Variants in CACNA1B observed in about 807,000 individuals in gnomAD.
The protein encoded by CACNA1B is calcium voltage-gated channel subunit alpha1 B.
A neutral mutation model predicts 247.2 loss-of-function variants in CACNA1B; 70 were observed. That is an observed-to-expected ratio of 0.28 (90% CI 0.23 to 0.35). The LOEUF is 0.35. Ranked by LOEUF, CACNA1B falls within the 10% of genes least tolerant of loss-of-function variation. The pLI is 1.00. For missense variants in CACNA1B, 2,367 were observed against 3,197.4 expected (o/e 0.74, Z 6.26); for synonymous variants, 1,231 against 1,294.4 (o/e 0.95, Z 1.05).
At position 138,058,784 on chromosome 9, in the gene CACNA1B, T is replaced by G. The variant is rs2133505499; in HGVS notation, c.4473+51T>G. The stretch of plus-strand genomic sequence containing the variant: ...CAGCTGGCGCTGCTAGGGATTGGGA[T>G]CTAACCCTGAGGCTGAGTGGAGAGT... On this transcript the variant is annotated intron_variant, in intron 29 of 46. Coordinates refer to ENST00000371372, the MANE Select transcript of CACNA1B (RefSeq NM_000718.4). The surrounding 1 kb of genome is among the most constrained non-coding windows in gnomAD (Gnocchi z 4.7). The G allele has an allele frequency of 1.3e-6, 2 of 1,511,736 alleles. No individual in the cohort carries two copies. Among genetic ancestry groups the G allele is most frequent in the East Asian group, 2.4e-5 (1 of 41,626 alleles). The allele number at this position is 1,511,736 out of a possible 1,614,324, so 93.6% of individuals were successfully genotyped here. A position where few individuals can be genotyped will look rare whatever the true frequency, so the allele number is the denominator to read the frequency against.
chr9:137,949,096 GCA>G (rs1957838151), intron 6 of CACNA1B, among the ~76,000 whole-genome samples: 1 of 73,480 alleles, frequency 1.4e-5, no homozygotes. Context: ...TGTGGTGTGT[GCA>G]TGTTTGTGGT....
In CACNA1B at chr9:138,121,633, C is replaced by A. The variant is rs200813633; in HGVS notation, c.6654C>A (p.Thr2218=). ...SSPIHFAGAQ[T]SLPAFSPGRL... is the part of the protein sequence containing the mutation. ...CCATCCACTTCGCCGGGGCTCAGAC[C>A]AGCCTCCCTGCCTTCTCCCCAGGCC... Residue 2218 remains threonine, a synonymous_variant, in exon 47 of 47, where the codon ACC becomes ACA. Transcript: ENST00000371372. This position sits in a 1 kb window ranked among gnomAD's most constrained non-coding sequence, Gnocchi z 6.8. 1.9e-6 allele frequency: 3 copies of A among 1,612,992 alleles called. No homozygotes were observed. The highest frequency in any genetic ancestry group is 1.3e-5 in the African/African-American group (1 of 74,900).
chr9:138,017,532 T>C (rs1958808426), intron 18 of CACNA1B, among the ~76,000 whole-genome samples: 1 of 152,244 alleles, frequency 6.6e-6, no homozygotes, highest in Non-Finnish European at 1.5e-5. Context: ...GGTTCAGGTC[T>C]CCTTGTGGTT....
rs926744757 is a variant in CACNA1B, at chr9:137,913,293, C to T, written c.622+22C>T. 1 of 1,590,028 alleles carries T rather than the reference C, an allele frequency of 6.3e-7. No individual in the cohort carries two copies. The highest frequency in any genetic ancestry group is 1.3e-5 in the African/African-American group (1 of 74,564). ...CCAAGTGAGTCCAGCGAAGACAGGC[C>T]CAAGCCGGCTTGGAGTAACAACCTC... On this transcript the variant is annotated intron_variant, in intron 4 of 46. Coordinates refer to ENST00000371372, the MANE Select transcript of CACNA1B (RefSeq NM_000718.4). This position sits in a 1 kb window ranked among gnomAD's most constrained non-coding sequence, Gnocchi z 5.2.
rs1173779281 is a variant in CACNA1B at position 137,971,071 on chromosome 9, A to G, written c.1334-312A>G. Reference sequence around the variant, plus strand: ...TCAGGGGAAAAAGCTTGGGGTGCTCATGGAGAGTGGCCTGGGGGCATCAGG... The same window carrying G: ...TCAGGGGAAAAAGCTTGGGGTGCTCGTGGAGAGTGGCCTGGGGGCATCAGG... On this transcript the variant is annotated intron_variant, in intron 10 of 46. Transcript: ENST00000371372. The surrounding 1 kb of genome is among the most constrained non-coding windows in gnomAD (Gnocchi z 4.4). Among the ~76,000 whole-genome samples, 1 of 152,122 alleles carries G rather than the reference A, an allele frequency of 6.6e-6. No homozygotes were observed.
intron 18 of CACNA1B, among the ~76,000 whole-genome samples, chr9:138,019,605 G>A (rs1406671254): frequency 6.6e-6 from 1 of 152,076 alleles, no homozygotes; most frequent in Non-Finnish European, 1.5e-5. Context: ...GTGGCCAGGT[G>A]TCCTGTCCCT....
At chr9:138,099,398 G>A (rs1589127502) in intron 37 of CACNA1B, among the ~76,000 whole-genome samples, 1 of 152,184 alleles carries the variant, frequency 6.6e-6, no homozygotes, top group African/African-American at 2.4e-5. Context: ...CTGTGTGGTT[G>A]TATGTGGATG....
At chr9:138,113,041 G>C (rs1961706373) in intron 40 of CACNA1B, among the ~76,000 whole-genome samples, 1 of 144,734 alleles carries the variant, frequency 6.9e-6, no homozygotes, top group African/African-American at 2.7e-5. Flanking sequence ...TCTTGTGAGA[G>C]ACGTGAGGGA....
chr9:137,978,327 C>T (rs1444331310), intron 12 of CACNA1B, among the ~76,000 whole-genome samples: 2 of 145,318 alleles, frequency 1.4e-5, no homozygotes, highest in African/African-American at 2.6e-5. Flanking sequence ...GGAGCACTTC[C>T]CCCCCCAGGA....
intron 3 of CACNA1B, among the ~76,000 whole-genome samples, chr9:137,909,960 AG>A (rs1238370407): frequency 1.3e-5 from 2 of 151,946 alleles, no homozygotes; most frequent in Non-Finnish European, 2.9e-5. Flanking sequence ...TAGTAGAGAC[AG>A]CATTTCACCA....
At position 137,986,237 on chromosome 9, in the gene CACNA1B, G is replaced by C. The variant is rs1958359733; in HGVS notation, c.1770-176G>C. 6.6e-6 allele frequency among the ~76,000 whole-genome samples: 1 copy of C among 152,210 alleles called. No homozygotes were observed. Among genetic ancestry groups the C allele is most frequent in the African/African-American group, 2.4e-5 (1 of 41,456 alleles). On this transcript the variant is annotated intron_variant, in intron 13 of 46. Coordinates refer to ENST00000371372, the MANE Select transcript of CACNA1B (RefSeq NM_000718.4). This position sits in a 1 kb window ranked among gnomAD's most constrained non-coding sequence, Gnocchi z 6.0. ...TCTCTGCCTTCCCATGGGGCCCTCA[G>C]GGAGAGAAGTCCAGGGTAGTGGGCC...
At chr9:138,111,188 A>G (rs764575220) in intron 39 of CACNA1B, among the ~76,000 whole-genome samples, 16 of 152,198 alleles carry the variant, frequency 1.1e-4, no homozygotes, top group Non-Finnish European at 2.1e-4. Flanking sequence ...ACATACATCC[A>G]CACAATCTAT....
At chr9:138,089,722 C>T (rs1960816090) in intron 36 of CACNA1B, among the ~76,000 whole-genome samples, 1 of 152,180 alleles carries the variant, frequency 6.6e-6, no homozygotes. Flanking sequence ...TTGCAGACAA[C>T]ATGTCTTATA....
chr9:138,038,223 A>G (rs970726811), intron 20 of CACNA1B, among the ~76,000 whole-genome samples: 2 of 152,154 alleles, frequency 1.3e-5, no homozygotes, highest in African/African-American at 4.8e-5. Flanking sequence ...AAATTGTCCT[A>G]TCTTGGCCAA....
chr9:138,060,133 C>G (rs928691048), intron 31 of CACNA1B, among the ~76,000 whole-genome samples: 2 of 152,218 alleles, frequency 1.3e-5, no homozygotes, highest in Admixed American at 6.5e-5. Context: ...CTCTCTATCT[C>G]TCTCTATATA....
chr9:137,956,714 C>T, intron 8 of CACNA1B, 57 bp from the exon 9 acceptor site: 2 of 1,492,112 alleles, frequency 1.3e-6, no homozygotes. Context: ...GTGCCTCTGT[C>T]CTGGGGCATT....
In CACNA1B at chr9:138,058,860, G is replaced by C. The variant is rs1959612400; in HGVS notation, c.4473+127G>C. On this transcript the variant is annotated intron_variant, in intron 29 of 46. Coordinates refer to ENST00000371372, the MANE Select transcript of CACNA1B (RefSeq NM_000718.4). The surrounding 1 kb of genome is among the most constrained non-coding windows in gnomAD (Gnocchi z 4.7). ...CAAAGCAGTAGTGGCCTTGCATCCT[G>C]GCCAGCATGGGATGCCTGTGGAATC... is the stretch of plus-strand genomic sequence containing the variant. The C allele has an allele frequency of 1.4e-5, 12 of 866,034 alleles. No individual in the cohort carries two copies. The highest frequency in any genetic ancestry group is 2.2e-5 in the Non-Finnish European group (12 of 546,076). The allele number at this position is 866,034 out of a possible 1,614,324, so 53.6% of individuals were successfully genotyped here.
At chr9:137,932,767 C>T (rs1957622426) in intron 6 of CACNA1B, among the ~76,000 whole-genome samples, 3 of 152,148 alleles carry the variant, frequency 2.0e-5, no homozygotes, top group African/African-American at 7.2e-5. Context: ...GCTGTCCATC[C>T]TTTAAAGCCC....
At position 138,049,279 on chromosome 9, in the gene CACNA1B, T is replaced by C. The variant is rs201536971; in HGVS notation, c.3674T>C (p.Ile1225Thr). ...GACTTGTGGAACATTCTGGACTTCA[T>C]TGTGGTCAGTGGCGCCCTGGTGGCG... ...FRDLWNILDF[I>T]VVSGALVAFA... The change falls in exon 24 of 47, where the codon ATT becomes ACT. Residue 1225 changes from isoleucine to threonine, a missense_variant. Transcript: ENST00000371372. 2.2e-5 allele frequency: 36 copies of C among 1,613,228 alleles called. No homozygotes were observed. Among genetic ancestry groups the C allele is most frequent in the Non-Finnish European group, 2.9e-5 (34 of 1,179,248 alleles).
Sources: gnomAD v4.1 joint callset for allele counts (sites outside exome capture counted in the v4.1 genomes callset) on GRCh38, gnomAD v4.1.1 for gene constraint, Gnocchi (gnomAD v3.1) non-coding constraint, MANE v1.5 for transcripts, NCBI Gene and HGNC (gene_info 2026-07-23, HGNC 2026-07-21) for gene names.